NELL1: variants seen among roughly 807,000 people sequenced by gnomAD.
NELL1 encodes the protein protein kinase C-binding protein NELL1.
In NELL1, 76 loss-of-function variants were observed where a neutral mutation model predicts 107.4. That is an observed-to-expected ratio of 0.71 (90% CI 0.59 to 0.86). The LOEUF is 0.86. Among genes scored for constraint, NELL1 ranks in the 40% least tolerant of loss-of-function variants. The pLI, the probability that NELL1 is intolerant of heterozygous loss-of-function variation, is 0.00. For missense variants in NELL1, 1,024 were observed against 1,005.5 expected (o/e 1.02, Z -0.25); for synonymous variants, 353 against 341.2 (o/e 1.03, Z -0.38).
intron 14 of NELL1, among the ~76,000 whole-genome samples, chr11:21,246,869 A>G (rs1244907816): frequency 2.2e-4 from 34 of 152,180 alleles, no homozygotes. Context: ...AATCTCTTAT[A>G]AAATCATCAG....
chr11:21,496,172 G>A (rs1854971830), intron 15 of NELL1, among the ~76,000 whole-genome samples: 1 of 151,828 alleles, frequency 6.6e-6, no homozygotes, highest in Admixed American at 6.6e-5. Flanking sequence ...ATGCACAGTT[G>A]TAGTAATTTA....
chr11:21,525,404 T>A (rs1036260317), intron 15 of NELL1, among the ~76,000 whole-genome samples: 2 of 152,182 alleles, frequency 1.3e-5, no homozygotes, highest in African/African-American at 4.8e-5. Context: ...CATACCTTAT[T>A]GGAACTTGTT....
At chr11:21,155,925 A>C (rs1242542888) in intron 13 of NELL1, among the ~76,000 whole-genome samples, 6 of 152,160 alleles carry the variant, frequency 3.9e-5, no homozygotes, top group Non-Finnish European at 8.8e-5. Flanking sequence ...CCAAGGAAAG[A>C]CTTGAATAGC....
rs146280548 is a variant in NELL1 at position 21,049,897 on chromosome 11, C to T, written c.1301-63692C>T. Among the ~76,000 whole-genome samples, 147 of 151,874 alleles carry T rather than the reference C, an allele frequency of 9.7e-4. 2 individuals carry two copies. The East Asian group carries it at 0.017, about 17-fold the overall frequency. On this transcript the variant is annotated intron_variant, in intron 12 of 19. Transcript: ENST00000357134. ...TTCACCATATTGGTCAGTCTGGTCC[C>T]GAACTCCTGACTTCAGGTTAATTAA...
At chr11:21,412,478 G>A (rs1311872695) in intron 15 of NELL1, among the ~76,000 whole-genome samples, 2 of 152,012 alleles carry the variant, frequency 1.3e-5, no homozygotes, top group Non-Finnish European at 2.9e-5. Context: ...GAAACTTACA[G>A]AAACTGAATT....
Position 21,398,132 on chromosome 11 carries a change from C to T in NELL1, c.1645+27184C>T, listed in dbSNP as rs560814414. On this transcript the variant is annotated intron_variant, in intron 15 of 19. Transcript: ENST00000357134. ...TTAACTTTGTTAATGAATCATAAACCATTTTTAATTTATGAACGAGATTAT... is the reference window on the plus strand; with the variant it reads ...TTAACTTTGTTAATGAATCATAAACTATTTTTAATTTATGAACGAGATTAT... Among the ~76,000 whole-genome samples, 4 of 151,548 alleles carry T rather than the reference C, an allele frequency of 2.6e-5. 1 individual carries two copies. The South Asian group carries it at 8.3e-4, about 32-fold the overall frequency.
chr11:21,198,186 C>A (rs889628620), intron 13 of NELL1, among the ~76,000 whole-genome samples: 1 of 152,194 alleles, frequency 6.6e-6, no homozygotes, highest in Non-Finnish European at 1.5e-5. Context: ...CCATGTGCCT[C>A]TCCACATGTT....
intron 12 of NELL1, among the ~76,000 whole-genome samples, chr11:21,088,281 T>C (rs138020740): frequency 2.0e-5 from 3 of 152,272 alleles, no homozygotes; most frequent in East Asian, 1.9e-4. Flanking sequence ...AGTAAACTGA[T>C]ATTGACAGAG....
At chr11:20,720,560 T>C (rs1385945576) in intron 2 of NELL1, among the ~76,000 whole-genome samples, 1 of 152,150 alleles carries the variant, frequency 6.6e-6, no homozygotes, top group African/African-American at 2.4e-5. Context: ...AGCAAAGTAC[T>C]GTTGACTAGG....
At chr11:20,872,088 C>T (rs1284970112) in intron 4 of NELL1, among the ~76,000 whole-genome samples, 1 of 149,098 alleles carries the variant, frequency 6.7e-6, no homozygotes, top group Non-Finnish European at 1.5e-5. Context: ...GGAGCTATAT[C>T]CTGTGGCTGG....
chr11:21,067,173 T>C (rs1853895146), intron 12 of NELL1, among the ~76,000 whole-genome samples: 1 of 152,110 alleles, frequency 6.6e-6, no homozygotes, highest in South Asian at 2.1e-4. Context: ...TTGTGCTTCA[T>C]TTTTGTTGCT....
At chr11:21,010,929 C>T (rs1852433472) in intron 12 of NELL1, among the ~76,000 whole-genome samples, 1 of 152,126 alleles carries the variant, frequency 6.6e-6, no homozygotes, top group Non-Finnish European at 1.5e-5. Context: ...GGGTACAATG[C>T]CATTGATTAG....
intron 15 of NELL1, among the ~76,000 whole-genome samples, chr11:21,440,309 T>G (rs1360590662): frequency 6.6e-6 from 1 of 152,180 alleles, no homozygotes; most frequent in African/African-American, 2.4e-5. Context: ...AGTAAGTTTT[T>G]TTTTTTTGAT....
rs555770837 is a variant in NELL1, at chr11:21,181,726, A to C, written c.1427-47606A>C. ...CTTTTCTCTCTATTATCGCAGGCTA[A>C]ATTTTTCCACTTTCTTAAATGGACT... On this transcript the variant is annotated intron_variant, in intron 13 of 19. Transcript: ENST00000357134. 3.9e-5 allele frequency among the ~76,000 whole-genome samples: 6 copies of C among 151,972 alleles called. No individual in the cohort carries two copies. The South Asian group carries it at 1.2e-3, about 32-fold the overall frequency.
At chr11:20,875,244 A>G (rs1438515315) in intron 4 of NELL1, among the ~76,000 whole-genome samples, 4 of 152,146 alleles carry the variant, frequency 2.6e-5, no homozygotes, top group African/African-American at 9.7e-5. Context: ...TTTAAGCAGC[A>G]TATTTACCCT....
chr11:21,454,226 A>T (rs898214754), intron 15 of NELL1, among the ~76,000 whole-genome samples: 1 of 148,818 alleles, frequency 6.7e-6, no homozygotes, highest in Non-Finnish European at 1.5e-5. Context: ...ATGATTTCCA[A>T]TTTCATCCAT....
At chr11:21,017,500 G>A (rs891753395) in intron 12 of NELL1, among the ~76,000 whole-genome samples, 2 of 152,008 alleles carry the variant, frequency 1.3e-5, no homozygotes, top group Admixed American at 1.3e-4. Flanking sequence ...TGTAATACAT[G>A]GAGTGGCTTC....
intron 14 of NELL1, among the ~76,000 whole-genome samples, chr11:21,352,214 C>G (rs749716419): frequency 1.3e-5 from 2 of 152,088 alleles, no homozygotes; most frequent in Non-Finnish European, 2.9e-5. Context: ...TTTCTTATCT[C>G]CTTTACCCTG....
At chr11:21,079,158 TGTGA>T (rs1402893198) in intron 12 of NELL1, among the ~76,000 whole-genome samples, 1 of 151,960 alleles carries the variant, frequency 6.6e-6, no homozygotes, top group Non-Finnish European at 1.5e-5. Flanking sequence ...TTGAAAGAAT[TGTGA>T]GTGACTAGAC....
Sources: gnomAD v4.1 joint callset for allele counts (sites outside exome capture counted in the v4.1 genomes callset) on GRCh38, gnomAD v4.1.1 for gene constraint, MANE v1.5 for transcripts, NCBI Gene and HGNC (gene_info 2026-07-23, HGNC 2026-07-21) for gene names.